FOXP1: variants seen among roughly 807,000 people sequenced by gnomAD.
FOXP1 encodes forkhead box P1, also known as forkhead box protein P1.
In FOXP1, 15 loss-of-function variants were observed where a neutral mutation model predicts 98.2. The observed-to-expected ratio is 0.15, with a 90% confidence interval of 0.10 to 0.24. The LOEUF (loss-of-function observed/expected upper bound fraction) is 0.24. Among genes scored for constraint, FOXP1 ranks in the 10% least tolerant of loss-of-function variants. The pLI is 1.00. For missense variants in FOXP1, 633 were observed against 848.5 expected, an observed-to-expected ratio of 0.75 and a Z score of 3.15; for synonymous variants, 371 against 314.5, an observed-to-expected ratio of 1.18 and a Z score of -1.90.
chr3:70,977,119 T>C, intron 16 of FOXP1, 77 bp from the exon 17 acceptor site: 5 of 973,820 alleles, frequency 5.1e-6, no homozygotes, highest in Non-Finnish European at 6.6e-6. Flanking sequence ...CTCGAAAATA[T>C]AAAATCACTG....
At chr3:71,037,070 C>T (rs1179498859) in intron 11 of FOXP1, among the ~76,000 whole-genome samples, 2 of 152,052 alleles carry the variant, frequency 1.3e-5, no homozygotes, top group Non-Finnish European at 2.9e-5. Context: ...TTCTATTATT[C>T]GATTTCCTCA....
intron 4 of FOXP1, among the ~76,000 whole-genome samples, chr3:71,319,394 C>T (rs17008496): frequency 0.042 from 6,420 of 152,152 alleles, 186 homozygotes; most frequent in Middle Eastern, 0.071. Context: ...TTCCCAAAGC[C>T]TCTAAGTTGC....
chr3:71,432,863 A>ACT (rs1560478072), intron 3 of FOXP1, among the ~76,000 whole-genome samples: 27 of 151,446 alleles, frequency 1.8e-4, no homozygotes, highest in African/African-American at 5.6e-4. Flanking sequence ...AAAAAAAAAA[A>ACT]AAATTAAAAA....
intron 11 of FOXP1, among the ~76,000 whole-genome samples, chr3:71,037,896 T>G (rs2047819976): frequency 6.6e-6 from 1 of 152,246 alleles, no homozygotes; most frequent in Non-Finnish European, 1.5e-5. Context: ...GGAAGTGGGT[T>G]TCTATTGGCA....
intron 2 of FOXP1, among the ~76,000 whole-genome samples, chr3:71,506,647 A>C (rs2041844971): frequency 6.6e-6 from 1 of 152,202 alleles, no homozygotes; most frequent in Non-Finnish European, 1.5e-5. Context: ...GGACAAGAGC[A>C]GGAAGCTGAA....
At chr3:71,277,527 G>A (rs1043313768) in intron 5 of FOXP1, among the ~76,000 whole-genome samples, 3 of 152,188 alleles carry the variant, frequency 2.0e-5, no homozygotes, top group Non-Finnish European at 2.9e-5. Flanking sequence ...CCAAATGACA[G>A]CATGCTCTAC....
At chr3:71,218,506 ATTC>A (rs1213646662) in intron 5 of FOXP1, among the ~76,000 whole-genome samples, 2 of 152,122 alleles carry the variant, frequency 1.3e-5, no homozygotes, top group Non-Finnish European at 2.9e-5. Context: ...TCCTCTGCTC[ATTC>A]TTCAATATTG....
At chr3:71,333,010 C>T (rs928173807) in intron 4 of FOXP1, 1 of 152,276 alleles carries the variant, frequency 6.6e-6, no homozygotes, top group Non-Finnish European at 1.5e-5. Context: ...AGGGTCAGAG[C>T]AAAGGGCCCG....
At chr3:71,463,160 C>T (rs1397529769) in intron 3 of FOXP1, among the ~76,000 whole-genome samples, 1 of 151,814 alleles carries the variant, frequency 6.6e-6, no homozygotes, top group Non-Finnish European at 1.5e-5. Flanking sequence ...GTCAGGAGTT[C>T]GAGACTAGCC....
intron 5 of FOXP1, among the ~76,000 whole-genome samples, chr3:71,209,481 T>C (rs184473599): frequency 1.1e-4 from 16 of 152,312 alleles, no homozygotes; most frequent in Admixed American, 9.8e-4. Context: ...CATTCTCAAC[T>C]ACTCTGCAAA....
chr3:71,472,359 A>ATGAT (rs532706590), intron 3 of FOXP1, among the ~76,000 whole-genome samples: 167 of 152,334 alleles, frequency 1.1e-3, no homozygotes, highest in African/African-American at 3.8e-3. Context: ...CCATACAAAA[A>ATGAT]TGATTGACCA....
intron 6 of FOXP1, among the ~76,000 whole-genome samples, chr3:71,138,730 G>A (rs924514819): frequency 2.6e-5 from 4 of 152,172 alleles, no homozygotes; most frequent in South Asian, 2.1e-4. Context: ...ACAGACTGGC[G>A]TTCAAGTCCA....
chr3:71,394,795 T>C (rs2081261975), intron 3 of FOXP1, among the ~76,000 whole-genome samples: 1 of 152,114 alleles, frequency 6.6e-6, no homozygotes, highest in Admixed American at 6.5e-5. Context: ...CTATTATGGC[T>C]CTTAACGAAA....
intron 3 of FOXP1, among the ~76,000 whole-genome samples, chr3:71,477,623 TTC>T (rs1360039137): frequency 6.6e-5 from 10 of 152,226 alleles, no homozygotes; most frequent in African/African-American, 2.4e-4. Flanking sequence ...TGATTTCTAT[TTC>T]TCTTATGATG....
At chr3:71,377,992 G>T (rs1417639986) in intron 3 of FOXP1, among the ~76,000 whole-genome samples, 1 of 151,512 alleles carries the variant, frequency 6.6e-6, no homozygotes, top group Non-Finnish European at 1.5e-5. Flanking sequence ...AAGCCACACT[G>T]GTCCTGTTTT....
chr3:71,090,209 C>T (rs1030799359), intron 7 of FOXP1, among the ~76,000 whole-genome samples: 3 of 152,142 alleles, frequency 2.0e-5, no homozygotes, highest in African/African-American at 4.8e-5. Flanking sequence ...ACAAATCTCT[C>T]GATTCCTATT....
At chr3:71,228,788 CAG>C (rs947736583) in intron 5 of FOXP1, among the ~76,000 whole-genome samples, 11 of 152,126 alleles carry the variant, frequency 7.2e-5, no homozygotes, top group Admixed American at 6.5e-4. Flanking sequence ...TAGTGACTAA[CAG>C]AGAAAATTGG....
intron 7 of FOXP1, among the ~76,000 whole-genome samples, chr3:71,072,795 G>C (rs1346263154): frequency 6.6e-6 from 1 of 152,216 alleles, no homozygotes; most frequent in Non-Finnish European, 1.5e-5. Flanking sequence ...AAGGAGAAAT[G>C]AGTTTTAAGC....
intron 2 of FOXP1, among the ~76,000 whole-genome samples, chr3:71,496,255 G>C (rs1233990749): frequency 1.3e-5 from 2 of 152,218 alleles, no homozygotes; most frequent in African/African-American, 2.4e-5. Flanking sequence ...CAGTACGGGT[G>C]ACACAGAAAA....
Sources: gnomAD v4.1 joint callset for allele counts (sites outside exome capture counted in the v4.1 genomes callset) on GRCh38, gnomAD v4.1.1 for gene constraint, MANE v1.5 for transcripts, NCBI Gene and HGNC (gene_info 2026-07-23, HGNC 2026-07-21) for gene names.